The following ZNF446 variants were observed in gnomAD, a reference collection of about 807,000 sequenced individuals.
The protein encoded by ZNF446 is zinc finger protein 446.
In ZNF446, 42 loss-of-function variants were observed where a neutral mutation model predicts 34.0. That is an observed-to-expected ratio of 1.23 (90% CI 0.96 to 1.60). ZNF446 has a LOEUF of 1.60. Ranked by LOEUF, ZNF446 falls within the 40% of genes most tolerant of loss-of-function variation. The pLI is 0.00. For missense variants in ZNF446, 650 were observed against 600.2 expected (o/e 1.08, Z -0.87); for synonymous variants, 315 against 251.0 (o/e 1.25, Z -2.41).
At chr19:58,478,738 G>T (rs2053111639) in intron 4 of ZNF446, among the ~76,000 whole-genome samples, 2 of 152,176 alleles carry the variant, frequency 1.3e-5, no homozygotes, top group Admixed American at 1.3e-4. Flanking sequence ...GAACTAGTGG[G>T]CTTGGCTTCC....
downstream of ZNF446, among the ~76,000 whole-genome samples, chr19:58,482,365 C>T (rs2053146406): frequency 6.6e-6 from 1 of 152,116 alleles, no homozygotes; most frequent in Non-Finnish European, 1.5e-5. Context: ...GTCCCTTTTG[C>T]CAATTGAGAT....
the ZNF446 span, among the ~76,000 whole-genome samples, chr19:58,487,611 C>T: frequency 6.6e-6 from 1 of 151,768 alleles, no homozygotes; most frequent in Admixed American, 6.6e-5. Flanking sequence ...GAGTTCAAGA[C>T]CAGCCTGGCC....
At chr19:58,488,847 T>G in the ZNF446 span, among the ~76,000 whole-genome samples, 1 of 45,104 alleles carries the variant, frequency 2.2e-5, no homozygotes, top group African/African-American at 1.6e-4. Flanking sequence ...CAAGACTCCG[T>G]CAAAAAAAAA....
rs777063353 is a variant in ZNF446, at chr19:58,480,257, C to A, written c.884C>A (p.Ser295Tyr). 1.3e-6 allele frequency: 2 copies of A among 1,579,756 alleles called. No individual in the cohort carries two copies. Among genetic ancestry groups the A allele is most frequent in the Admixed American group, 1.8e-5 (1 of 55,782 alleles). ...GGGCCGGCAGCCTGGGAGGGCTTGTCTGGGGCTGCCACTCCTGCCCCCACT... is the reference window on the plus strand; with the variant it reads ...GGGCCGGCAGCCTGGGAGGGCTTGTATGGGGCTGCCACTCCTGCCCCCACT... Reference protein sequence around the residue: ...GPGPAAWEGLSGAATPAPTVR... With the variant: ...GPGPAAWEGLYGAATPAPTVR... The change falls in exon 7 of 7, where the codon TCT (serine) becomes TAT (tyrosine). Residue 295 changes from serine to tyrosine, a missense_variant. Transcript: ENST00000594369. This position sits in a 1 kb window ranked among gnomAD's most constrained non-coding sequence, Gnocchi z 7.2.
At chr19:58,485,225 G>A (rs1177413583), downstream of ZNF446, among the ~76,000 whole-genome samples, 1 of 151,906 alleles carries the variant, frequency 6.6e-6, no homozygotes, top group Non-Finnish European at 1.5e-5. Context: ...TGGTGGCTGG[G>A]CACGGTGGCT....
chr19:58,479,981 T>C lies in ZNF446; in HGVS notation c.764T>C (p.Leu255Pro), dbSNP rs746772306. ...CAGGCCCAGTCAGAGCTGGGGATGC[T>C]GCTCACGGGGACAGGCGTCTGCAGA... ...EAQAQSELGM[L>P]LTGTGVCRSL... The change falls in exon 6 of 7, where the codon CTG becomes CCG. Residue 255 changes from leucine to proline, a missense_variant. Transcript: ENST00000594369. 1 of 1,591,324 alleles carries C rather than the reference T, an allele frequency of 6.3e-7. No individual in the cohort carries two copies. The highest frequency in any genetic ancestry group is 8.5e-7 in the Non-Finnish European group (1 of 1,171,742).
Position 58,477,354 on chromosome 19 carries a change from C to A in ZNF446, c.136C>A (p.Arg46=), listed in dbSNP as rs147631014. 1.2e-6 allele frequency: 2 copies of A among 1,613,238 alleles called. No homozygotes were observed. The highest frequency in any genetic ancestry group is 2.7e-5 in the African/African-American group (2 of 74,880). ...EVAGPREALA[R]LRELCCQWLQ... ...GGCAGGTCCCCGAGAAGCCCTGGCC[C>A]GGCTGCGTGAGCTGTGTTGCCAGTG... Residue 46 remains arginine (R), a synonymous_variant, in exon 2 of 7, where the codon CGG becomes AGG. Transcript: ENST00000594369.
chr19:58,479,564 G>C lies in ZNF446; in HGVS notation c.628-79G>C, dbSNP rs941284520. The C allele has an allele frequency of 1.5e-5, 23 of 1,492,506 alleles. 1 individual carries two copies. The highest frequency in any genetic ancestry group is 5.0e-5 in the South Asian group (4 of 80,068). The allele number at this position is 1,492,506 out of a possible 1,614,324, so 92.5% of individuals were successfully genotyped here. A position where few individuals can be genotyped will look rare whatever the true frequency, so the allele number is the denominator to read the frequency against. On this transcript the variant is annotated intron_variant, in intron 4 of 6. Transcript: ENST00000594369. ...GCGTAGGTAACCTGCTGACTCTTCCGGGTAATAGGTAAGAATGTGAACCAG... is the reference window on the plus strand; with the variant it reads ...GCGTAGGTAACCTGCTGACTCTTCCCGGTAATAGGTAAGAATGTGAACCAG...
chr19:58,477,775 C>T lies in ZNF446; in HGVS notation c.481C>T (p.Gln161Ter). Residue 161 changes from glutamine (Q) to a stop codon, truncating the protein, a stop_gained, in exon 3 of 7, where the codon CAG (glutamine) becomes TAG (stop). Transcript: ENST00000594369. LOFTEE classifies it high-confidence loss of function. ...PQDTRIEGSVQLSCSVKEEPN... is the reference protein window; with the variant it reads ...PQDTRIEGSV ...GGACACCAGAATAGAGGGGTCTGTC[C>T]AGCTCAGCTGCAGTGTGAAGGAGGA... The T allele has an allele frequency of 6.2e-7, 1 of 1,604,884 alleles. No individual in the cohort carries two copies. The highest frequency in any genetic ancestry group is 1.7e-4 in the Middle Eastern group (1 of 6,000).
In ZNF446 at chr19:58,478,235, C is replaced by G. The variant is rs1362475501; in HGVS notation, c.627+54C>G. 1.2e-5 allele frequency: 19 copies of G among 1,523,472 alleles called. 2 individuals carry two copies. The South Asian group carries it at 1.3e-4, about 11-fold the overall frequency. 94.4% of individuals were successfully genotyped at this position (1,523,472 alleles called of 1,614,324 possible). A position where few individuals can be genotyped will look rare whatever the true frequency, so the allele number is the denominator to read the frequency against. On this transcript the variant is annotated intron_variant, in intron 4 of 6. Transcript: ENST00000594369. ...CCCCAGGTGTGAGAAGGGACTGTCC[C>G]CATGGCTGCCCTCTGCCTGGTGGTT...
In ZNF446 at chr19:58,480,067, G is replaced by T. The variant is rs748598945; in HGVS notation, c.802+48G>T. On this transcript the variant is annotated intron_variant, in intron 6 of 6. Coordinates refer to ENST00000594369, the MANE Select transcript of ZNF446 (RefSeq NM_017908.4). The surrounding 1 kb of genome is among the most constrained non-coding windows in gnomAD (Gnocchi z 7.2). The stretch of plus-strand genomic sequence containing the variant: ...CCTGAATCACCCCTCCTGTATCGGT[G>T]GGACCTGAGCCACCCACTCATGGGG... 6.4e-7 allele frequency: 1 copy of T among 1,562,462 alleles called. No homozygotes were observed. The highest frequency in any genetic ancestry group is 1.4e-5 in the African/African-American group (1 of 73,952).
chr19:58,480,107 G>A lies in ZNF446; in HGVS notation c.803-69G>A, dbSNP rs2053125003. On this transcript the variant is annotated intron_variant, in intron 6 of 6. Transcript: ENST00000594369. This position sits in a 1 kb window ranked among gnomAD's most constrained non-coding sequence, Gnocchi z 7.2. ...CACTCATGGGGGGACGGGAGCTTGT[G>A]CCACGGCCACAAGCCTGAGGGAGGG... 3 of 1,562,302 alleles carry A rather than the reference G, an allele frequency of 1.9e-6. No homozygotes were observed. The highest frequency in any genetic ancestry group is 1.3e-5 in the African/African-American group (1 of 74,090).
downstream of ZNF446, among the ~76,000 whole-genome samples, chr19:58,485,366 C>T (rs1342548188): frequency 6.6e-6 from 1 of 151,542 alleles, no homozygotes; most frequent in African/African-American, 2.4e-5. Flanking sequence ...AAAAATTAGC[C>T]GGGTATAGTG....
At chr19:58,484,521 G>C (rs987350087), downstream of ZNF446, among the ~76,000 whole-genome samples, 7 of 151,396 alleles carry the variant, frequency 4.6e-5, no homozygotes, top group African/African-American at 1.7e-4. Flanking sequence ...AACACTAGGG[G>C]GAAAATTGTT....
Position 58,479,630 on chromosome 19 carries a change from GC to G in ZNF446, c.628-11del. On this transcript the variant is annotated splice_polypyrimidine_tract_variant and intron_variant, in intron 4 of 6. Transcript: ENST00000594369. Reference sequence around the variant, plus strand: ...GGTGGAAAGACGCCTACAGTGATGGGCCACATCCGCAGGAGGAGTGGGGGCT... The same window carrying G: ...GGTGGAAAGACGCCTACAGTGATGGGCACATCCGCAGGAGGAGTGGGGGCT... 1 of 1,613,176 alleles carries G rather than the reference GC, an allele frequency of 6.2e-7. No homozygotes were observed. The highest frequency in any genetic ancestry group is 8.5e-7 in the Non-Finnish European group (1 of 1,179,690).
At chr19:58,486,650 C>T in the ZNF446 span, among the ~76,000 whole-genome samples, 757 of 149,352 alleles carry the variant, frequency 5.1e-3, 12 homozygotes, top group African/African-American at 0.018. Flanking sequence ...TCAGGTGATC[C>T]GCCCACCTCG....
Position 58,480,479 on chromosome 19 carries a change from A to G in ZNF446, c.1106A>G (p.Glu369Gly). 6.2e-7 allele frequency: 1 copy of G among 1,612,718 alleles called. No homozygotes were observed. The change falls in exon 7 of 7, where the codon GAA becomes GGA. Residue 369 changes from glutamate (E) to glycine (G), a missense_variant. Physicochemically the swap from Glu to Gly is moderately conservative, Grantham distance 98. Coordinates refer to ENST00000594369, the MANE Select transcript of ZNF446 (RefSeq NM_017908.4). The surrounding 1 kb of genome is among the most constrained non-coding windows in gnomAD (Gnocchi z 7.2). ...CAGTCCCCGGGGCTAGCCACCGGGG[A>G]AAGCACAGAGAAGCCACCACAAGGG... Reference protein sequence around the residue: ...GVQSPGLATGESTEKPPQGEV... With the variant: ...GVQSPGLATGGSTEKPPQGEV...
chr19:58,482,304 G>A (rs1375360980), downstream of ZNF446, among the ~76,000 whole-genome samples: 1 of 151,960 alleles, frequency 6.6e-6, no homozygotes, highest in African/African-American at 2.4e-5. Context: ...GCCTCCTTAA[G>A]GACCCTCATC....
Position 58,480,426 on chromosome 19 carries a change from C to T in ZNF446, c.1053C>T (p.His351=). Residue 351 remains histidine, a synonymous_variant, in exon 7 of 7, where the codon CAC becomes CAT. Transcript: ENST00000594369. This position sits in a 1 kb window ranked among gnomAD's most constrained non-coding sequence, Gnocchi z 7.2. The part of the protein sequence containing the change: ...FDWKSVFVIH[H]RTHTSGPGVQ... Reference sequence around the variant, plus strand: ...GGAAGTCAGTGTTCGTCATCCACCACCGGACACACACGAGTGGGCCAGGTG... The same window carrying T: ...GGAAGTCAGTGTTCGTCATCCACCATCGGACACACACGAGTGGGCCAGGTG... 1 of 1,613,136 alleles carries T rather than the reference C, an allele frequency of 6.2e-7. No homozygotes were observed. The highest frequency in any genetic ancestry group is 1.1e-5 in the South Asian group (1 of 91,076).
Sources: gnomAD v4.1 joint callset for allele counts (sites outside exome capture counted in the v4.1 genomes callset) on GRCh38, gnomAD v4.1.1 for gene constraint, Gnocchi (gnomAD v3.1) non-coding constraint, MANE v1.5 for transcripts, NCBI Gene and HGNC (gene_info 2026-07-23, HGNC 2026-07-21) for gene names.